The following GALNT13 variants were observed in gnomAD, a reference collection of about 807,000 sequenced individuals.
GALNT13 encodes the protein polypeptide N-acetylgalactosaminyltransferase 13.
Under a neutral mutation model 64.2 loss-of-function variants are expected in GALNT13, and 28 were observed. That is an observed-to-expected ratio of 0.44 (90% CI 0.32 to 0.60). GALNT13 has a LOEUF of 0.60. GALNT13 is among the 20% of genes least tolerant of loss of function. GALNT13 has a pLI of 0.05. For synonymous variants in GALNT13, 214 were observed against 224.6 expected (o/e 0.95, Z 0.42); for missense variants, 577 against 669.8 (o/e 0.86, Z 1.53).
At chr2:153,290,107 T>G in the GALNT13 span, among the ~76,000 whole-genome samples, 1 of 152,206 alleles carries the variant, frequency 6.6e-6, no homozygotes, top group East Asian at 1.9e-4. Flanking sequence ...AACTCTAAAG[T>G]CACCTTACTC....
the GALNT13 span, among the ~76,000 whole-genome samples, chr2:153,334,667 C>A: frequency 1.3e-5 from 2 of 151,854 alleles, no homozygotes; most frequent in African/African-American, 2.4e-5. Flanking sequence ...TGAATTATTT[C>A]TTTATGTTCT....
At chr2:153,776,850 T>C in the GALNT13 span, among the ~76,000 whole-genome samples, 3 of 152,198 alleles carry the variant, frequency 2.0e-5, no homozygotes, top group Non-Finnish European at 4.4e-5. Context: ...TCTACTTTGA[T>C]TATTAAGGCA....
the GALNT13 span, among the ~76,000 whole-genome samples, chr2:153,166,883 A>G: frequency 4.6e-5 from 7 of 152,192 alleles, no homozygotes; most frequent in Admixed American, 3.3e-4. Context: ...GGTGACCTGC[A>G]GAAGATGAGG....
chr2:153,724,339 A>T, the GALNT13 span, among the ~76,000 whole-genome samples: 1 of 130,440 alleles, frequency 7.7e-6, no homozygotes, highest in African/African-American at 3.6e-5. Context: ...TTAGACCTAA[A>T]ACCATAAAAA....
intron 4 of GALNT13, among the ~76,000 whole-genome samples, chr2:154,215,237 A>G (rs1190152084): frequency 6.6e-6 from 1 of 152,150 alleles, no homozygotes; most frequent in Non-Finnish European, 1.5e-5. Context: ...ACTAATTTGA[A>G]CTGAATCTCT....
chr2:153,658,108 T>C, the GALNT13 span, among the ~76,000 whole-genome samples: 1 of 152,152 alleles, frequency 6.6e-6, no homozygotes. Flanking sequence ...CTCAGGGTTC[T>C]GAATTCTCAT....
At chr2:154,290,990 G>A (rs1033764284) in intron 8 of GALNT13, among the ~76,000 whole-genome samples, 2 of 151,988 alleles carry the variant, frequency 1.3e-5, no homozygotes, top group Non-Finnish European at 2.9e-5. Flanking sequence ...AGACCTTCTC[G>A]GTGAGCGTTA....
chr2:153,941,061 C>G (rs1025454439), intron 2 of GALNT13, among the ~76,000 whole-genome samples: 4 of 152,046 alleles, frequency 2.6e-5, no homozygotes, highest in African/African-American at 9.7e-5. Flanking sequence ...TATTTAACAT[C>G]AAAATTTTTT....
chr2:153,534,949 A>G, the GALNT13 span, among the ~76,000 whole-genome samples: 1 of 151,064 alleles, frequency 6.6e-6, no homozygotes. Flanking sequence ...GAGGCCTGAC[A>G]TTCCTGACTT....
the GALNT13 span, among the ~76,000 whole-genome samples, chr2:153,359,889 GA>G: frequency 6.6e-6 from 1 of 152,122 alleles, no homozygotes; most frequent in Non-Finnish European, 1.5e-5. Flanking sequence ...TGAAATACGA[GA>G]AATGAAAAAT....
At chr2:154,147,244 C>T (rs371872810) in intron 4 of GALNT13, among the ~76,000 whole-genome samples, 2 of 151,636 alleles carry the variant, frequency 1.3e-5, no homozygotes, top group East Asian at 1.9e-4. Flanking sequence ...CAGCATTTAT[C>T]GGGACCTAAT....
intron 3 of GALNT13, among the ~76,000 whole-genome samples, chr2:154,105,023 G>A (rs1702540282): frequency 6.6e-6 from 1 of 152,186 alleles, no homozygotes; most frequent in African/African-American, 2.4e-5. Flanking sequence ...TTGGTACTCA[G>A]TAGGCTGTTG....
chr2:154,444,864 G>A (rs963162630), intron 12 of GALNT13, among the ~76,000 whole-genome samples: 1 of 151,942 alleles, frequency 6.6e-6, no homozygotes, highest in East Asian at 1.9e-4. Context: ...ATTCATTTTA[G>A]AGAAATAGTT....
At chr2:153,869,728 A>G (rs1012027527), upstream of GALNT13, among the ~76,000 whole-genome samples, 24 of 152,160 alleles carry the variant, frequency 1.6e-4, no homozygotes, top group African/African-American at 5.8e-4. Flanking sequence ...GATCTATAGT[A>G]TATTATAAAA....
the GALNT13 span, among the ~76,000 whole-genome samples, chr2:153,376,900 G>C: frequency 4.3e-4 from 65 of 152,140 alleles, no homozygotes; most frequent in African/African-American, 1.5e-3. Context: ...ACAAAGGAGG[G>C]TGAATGTATA....
At chr2:153,688,994 GTGT>G in the GALNT13 span, among the ~76,000 whole-genome samples, 5 of 21,612 alleles carry the variant, frequency 2.3e-4, no homozygotes, top group South Asian at 1.3e-3. Flanking sequence ...AGGTAGGGGT[GTGT>G]GTGTGTGTGT....
At chr2:154,421,454 A>C (rs1700246967) in intron 11 of GALNT13, among the ~76,000 whole-genome samples, 1 of 152,136 alleles carries the variant, frequency 6.6e-6, no homozygotes, top group South Asian at 2.1e-4. Context: ...ATATAGACGT[A>C]GTAGTCATAC....
At chr2:153,452,135 A>T in the GALNT13 span, among the ~76,000 whole-genome samples, 1 of 152,164 alleles carries the variant, frequency 6.6e-6, no homozygotes, top group Non-Finnish European at 1.5e-5. Context: ...TCAGCACTTG[A>T]TGCTCTTTTT....
At chr2:153,185,698 T>G in the GALNT13 span, among the ~76,000 whole-genome samples, 1 of 152,188 alleles carries the variant, frequency 6.6e-6, no homozygotes, top group African/African-American at 2.4e-5. Flanking sequence ...TGATTTCTGC[T>G]TTAATTTCAT....
Sources: allele counts gnomAD v4.1 joint callset (sites outside exome capture counted in the v4.1 genomes callset), GRCh38; gene constraint gnomAD v4.1.1; transcripts MANE v1.5; gene names NCBI Gene and HGNC (gene_info 2026-07-23, HGNC 2026-07-21).